The following PEG3 variants were observed in gnomAD, a reference collection of about 807,000 sequenced individuals.
PEG3 encodes paternally expressed 3.
Under a neutral mutation model 35.5 loss-of-function variants are expected in PEG3, and 23 were observed. The ratio of observed to expected loss-of-function variants is 0.65; its 90% confidence interval spans 0.47 to 0.92. The LOEUF is 0.92. PEG3 is among the 40% of genes least tolerant of loss of function. PEG3 has a pLI of 0.00. For synonymous variants in PEG3, 707 were observed against 697.0 expected, an observed-to-expected ratio of 1.01 and a Z score of -0.23; for missense variants, 1,960 against 1,985.3, an observed-to-expected ratio of 0.99 and a Z score of 0.24.
At chr19:56,832,327 G>A (rs186031269) in intron 2 of PEG3, among the ~76,000 whole-genome samples, 61 of 152,032 alleles carry the variant, frequency 4.0e-4, no homozygotes, top group African/African-American at 1.5e-3. Context: ...CACTCCCACC[G>A]ACAGTACCCT....
intron 2 of PEG3, among the ~76,000 whole-genome samples, chr19:56,834,949 GAACA>G (rs933911900): frequency 1.3e-5 from 2 of 152,156 alleles, no homozygotes; most frequent in African/African-American, 4.8e-5. Context: ...GCTAACAAAT[GAACA>G]AACAGACAAC....
At chr19:56,835,429 C>A (rs2061993321) in intron 2 of PEG3, among the ~76,000 whole-genome samples, 1 of 152,136 alleles carries the variant, frequency 6.6e-6, no homozygotes, top group African/African-American at 2.4e-5. Flanking sequence ...TCAACAACAA[C>A]CCTATCCCCT....
chr19:56,834,022 A>G (rs569401950), intron 2 of PEG3, among the ~76,000 whole-genome samples: 27 of 152,244 alleles, frequency 1.8e-4, no homozygotes, highest in Non-Finnish European at 2.8e-4. Flanking sequence ...AAGAGAGGAA[A>G]TAATATCTAA....
At position 56,815,217 on chromosome 19, in the gene PEG3, G is replaced by A. The variant is rs146308462; in HGVS notation, c.3225C>T (p.Ser1075=). ...GENTDGEETH[S]EETHGQETIE... The stretch of plus-strand genomic sequence containing the variant: ...TTGTCTCCTGACCATGGGTCTCCTC[G>A]CTGTGGGTCTCCTCCCCATCAGTAT... The change falls in exon 10 of 10, where the codon AGC becomes AGT. Residue 1075 remains serine (S), a synonymous_variant. Transcript: ENST00000326441. 29 of 1,613,808 alleles carry A rather than the reference G, an allele frequency of 1.8e-5. No homozygotes were observed. Among genetic ancestry groups the A allele is most frequent in the East Asian group, 1.3e-4 (6 of 44,870 alleles).
Position 56,817,301 on chromosome 19 carries a change from G to T in PEG3, c.1141C>A (p.Leu381Ile), listed in dbSNP as rs746531138. 1.9e-6 allele frequency: 3 copies of T among 1,614,104 alleles called. No homozygotes were observed. In the East Asian group the frequency reaches 6.7e-5, roughly 36 times the overall value. ...TCAAGAACTCTCTTTCTGGAAACAA[G>T]GGTTGAATTAAACCTAAAGCCTCCC... ...FRGGFRFNSTLVSRKRVLERK... is the reference protein window; with the variant it reads ...FRGGFRFNSTIVSRKRVLERK... Residue 381 changes from leucine to isoleucine, a missense_variant, in exon 10 of 10, where the codon CTT (leucine) becomes ATT (isoleucine). Transcript: ENST00000326441.
rs1266391821 is a variant in PEG3 at position 56,816,177 on chromosome 19, G to A, written c.2265C>T (p.Asn755=). The A allele has an allele frequency of 2.5e-6, 4 of 1,613,960 alleles. No individual in the cohort carries two copies. The highest frequency in any genetic ancestry group is 3.4e-6 in the Non-Finnish European group (4 of 1,179,940). Residue 755 remains asparagine (N), a synonymous_variant, in exon 10 of 10, where the codon AAC becomes AAT. Transcript: ENST00000326441. ...EDEKAFTISS[N]PYENQKIPTK... is the part of the protein sequence containing the mutation. ...TGGGAATCTTCTGGTTTTCATAGGG[G>A]TTAGAGCTAATGGTGAACGCCTTTT...
In PEG3 at chr19:56,816,441, A is replaced by C; in HGVS notation, c.2001T>G (p.Ile667Met). 1 of 1,614,108 alleles carries C rather than the reference A, an allele frequency of 6.2e-7. No homozygotes were observed. The highest frequency in any genetic ancestry group is 8.5e-7 in the Non-Finnish European group (1 of 1,179,986). The change falls in exon 10 of 10, where the codon ATT becomes ATG. Residue 667 changes from isoleucine (I) to methionine (M), a missense_variant. Physicochemically the swap from Ile to Met is conservative, Grantham distance 10. This residue lies in a region of PEG3 where 798 missense variants were observed against 782.4 expected (regional missense o/e 1.02). Coordinates refer to ENST00000326441, the MANE Select transcript of PEG3 (RefSeq NM_006210.3). Reference protein sequence around the residue: ...NKGKVCEETFIPGQSLKRRQK... With the variant: ...NKGKVCEETFMPGQSLKRRQK... ...GACGCCTTTTAAGGGACTGACCAGG[A>C]ATAAAGGTTTCCTCACACACTTTAC...
chr19:56,828,457 G>C (rs143763322), intron 2 of PEG3, among the ~76,000 whole-genome samples: 44 of 152,250 alleles, frequency 2.9e-4, no homozygotes, highest in Middle Eastern at 3.4e-3. Flanking sequence ...AAGATATACA[G>C]TTCAAAAGTG....
Position 56,824,630 on chromosome 19 carries a change from G to A in PEG3, c.26C>T (p.Ala9Val). 1 of 1,603,794 alleles carries A rather than the reference G, an allele frequency of 6.2e-7. No homozygotes were observed. Among genetic ancestry groups the A allele is most frequent in the South Asian group, 1.1e-5 (1 of 90,852 alleles). MLPPKHLS[A>V]TKPKKSWAPN... ...GGCCCAGGACTTCTTAGGTTTGGTGGCAGACAAGTGCTTTGGAGGCAGCAT... is the reference window on the plus strand; with the variant it reads ...GGCCCAGGACTTCTTAGGTTTGGTGACAGACAAGTGCTTTGGAGGCAGCAT... The change falls in exon 4 of 10, where the codon GCC becomes GTC. Residue 9 changes from alanine to valine, a missense_variant. Ala to Val is a moderately conservative substitution (Grantham distance 64, BLOSUM62 0). Coordinates refer to ENST00000326441, the MANE Select transcript of PEG3 (RefSeq NM_006210.3).
At chr19:56,838,118 C>T (rs1025967620) in intron 1 of PEG3, among the ~76,000 whole-genome samples, 1 of 152,228 alleles carries the variant, frequency 6.6e-6, no homozygotes, top group Non-Finnish European at 1.5e-5. Flanking sequence ...ACAGAGTGGG[C>T]GGGGCCATGC....
rs2060019913 is a variant in PEG3, at chr19:56,816,766, T to C, written c.1676A>G (p.Lys559Arg). 1 of 1,614,120 alleles carries C rather than the reference T, an allele frequency of 6.2e-7. No individual in the cohort carries two copies. The highest frequency in any genetic ancestry group is 8.5e-7 in the Non-Finnish European group (1 of 1,180,012). ...CACCCTGCACTCGTAGAATTTGTCT[T>C]TGCCATATATTTTCTGAAGCTCACT... The part of the protein sequence containing the change: ...TFSELQKIYG[K>R]DKFYECRVCK... The change falls in exon 10 of 10, where the codon AAA becomes AGA. Residue 559 changes from lysine (K) to arginine (R), a missense_variant. This residue lies in a region of PEG3 where 798 missense variants were observed against 782.4 expected (regional missense o/e 1.02). Coordinates refer to ENST00000326441, the MANE Select transcript of PEG3 (RefSeq NM_006210.3).
Position 56,814,362 on chromosome 19 carries a change from T to A in PEG3, c.4080A>T (p.Glu1360Asp), listed in dbSNP as rs774278346. ...HKELHLEEEE[E>D]DEAAAAAAAA... The stretch of plus-strand genomic sequence containing the variant: ...CTGCTGCAGCTGCTGCTGCTTCATC[T>A]TCTTCTTCTTCTTCCAGATGAAGCT... The change falls in exon 10 of 10, where the codon GAA becomes GAT. Residue 1360 changes from glutamate (E) to aspartate (D), a missense_variant. This residue lies in a region of PEG3 where 416 missense variants were observed against 416.7 expected (regional missense o/e 1.00). Coordinates refer to ENST00000326441, the MANE Select transcript of PEG3 (RefSeq NM_006210.3). This position sits in a 1 kb window ranked among gnomAD's most constrained non-coding sequence, Gnocchi z 5.8. The A allele has an allele frequency of 4.3e-5, 68 of 1,598,586 alleles. No homozygotes were observed. The highest frequency in any genetic ancestry group is 2.7e-4 in the Admixed American group (16 of 59,666).
chr19:56,840,166 G>A (rs907845142), intron 1 of PEG3, among the ~76,000 whole-genome samples: 7 of 152,208 alleles, frequency 4.6e-5, no homozygotes, highest in Admixed American at 1.3e-4. Context: ...CGTGGCAACA[G>A]GGATAGCATT....
chr19:56,831,958 C>T (rs542753210), intron 2 of PEG3, among the ~76,000 whole-genome samples: 32 of 152,270 alleles, frequency 2.1e-4, no homozygotes, highest in South Asian at 8.3e-4. Flanking sequence ...TGAGTGTGAA[C>T]TGTTTAATAA....
At chr19:56,820,103 G>C (rs369470226) in intron 7 of PEG3, among the ~76,000 whole-genome samples, 2 of 152,162 alleles carry the variant, frequency 1.3e-5, no homozygotes, top group East Asian at 1.9e-4. Context: ...TTGGTTGTTC[G>C]CTTTGTGTTT....
chr19:56,830,941 AC>A (rs1243495652), intron 2 of PEG3, among the ~76,000 whole-genome samples: 2 of 152,004 alleles, frequency 1.3e-5, no homozygotes, highest in Non-Finnish European at 2.9e-5. Flanking sequence ...AAAATAAAAA[AC>A]AATAAAAAAT....
intron 2 of PEG3, among the ~76,000 whole-genome samples, chr19:56,834,685 C>T (rs2061907486): frequency 6.6e-6 from 1 of 152,186 alleles, no homozygotes; most frequent in Non-Finnish European, 1.5e-5. Flanking sequence ...GGGTTAAGCA[C>T]CATAATGCAT....
chr19:56,833,599 T>C (rs2159551), intron 2 of PEG3: 144,875 of 183,530 alleles, frequency 0.79, 57,398 homozygotes, highest in South Asian at 0.85. Context: ...CAAACTCAGA[T>C]GTGCAGAAGA....
chr19:56,817,465 G>C lies in PEG3; in HGVS notation c.977C>G (p.Ser326Cys), dbSNP rs1225699683. The change falls in exon 10 of 10, where the codon TCC becomes TGC. Residue 326 changes from serine to cysteine, a missense_variant. Physicochemically the swap from Ser to Cys is moderately radical, Grantham distance 112. Transcript: ENST00000326441. ...TGACTCCCTTGCTCTTCCCGATTTGGAACTGCGTGACACATCCTTGATGAA... is the reference window on the plus strand; with the variant it reads ...TGACTCCCTTGCTCTTCCCGATTTGCAACTGCGTGACACATCCTTGATGAA... ...EKFIKDVSRS[S>C]KSGRARESSD... The C allele has an allele frequency of 1.5e-5, 24 of 1,613,730 alleles. No individual in the cohort carries two copies. The highest frequency in any genetic ancestry group is 1.9e-5 in the Non-Finnish European group (23 of 1,179,826).
Sources: gnomAD v4.1 joint callset for allele counts (sites outside exome capture counted in the v4.1 genomes callset) on GRCh38, gnomAD v4.1.1 for gene constraint, gnomAD v4.1.1 regional missense constraint, Gnocchi (gnomAD v3.1) non-coding constraint, MANE v1.5 for transcripts, NCBI Gene and HGNC (gene_info 2026-07-23, HGNC 2026-07-21) for gene names.